Variants in PCDH15 observed in about 807,000 individuals in gnomAD.
The protein encoded by PCDH15 is protocadherin related 15.
In PCDH15, 129 loss-of-function variants were observed where a neutral mutation model predicts 178.5. The ratio of observed to expected loss-of-function variants is 0.72; its 90% CI spans 0.63 to 0.84. The LOEUF (loss-of-function observed/expected upper bound fraction) is 0.84. PCDH15 is among the 40% of genes least tolerant of loss of function. The pLI is 0.00. For missense variants in PCDH15, 2,230 were observed against 2,099.9 expected, an observed-to-expected ratio of 1.06 and a Z score of -1.21; for synonymous variants, 800 against 732.0, an observed-to-expected ratio of 1.09 and a Z score of -1.50.
chr10:55,081,200 C>A (rs1435993119), intron 2 of PCDH15, among the ~76,000 whole-genome samples: 1 of 152,164 alleles, frequency 6.6e-6, no homozygotes, highest in Non-Finnish European at 1.5e-5. Flanking sequence ...TTCTCTGCCT[C>A]AGATGTTTCC....
At chr10:54,635,437 TCTGTA>T (rs902440250) in intron 2 of PCDH15, among the ~76,000 whole-genome samples, 42 of 151,776 alleles carry the variant, frequency 2.8e-4, no homozygotes, top group African/African-American at 9.6e-4. Context: ...AATTTTACAA[TCTGTA>T]CTGTCACCAA....
At chr10:53,918,070 C>A (rs1161275713) in intron 25 of PCDH15, among the ~76,000 whole-genome samples, 1 of 152,196 alleles carries the variant, frequency 6.6e-6, no homozygotes, top group African/African-American at 2.4e-5. Context: ...AATATATTTT[C>A]TTTATAAATT....
chr10:54,771,551 T>G (rs1347978759), intron 1 of PCDH15, among the ~76,000 whole-genome samples: 2 of 152,112 alleles, frequency 1.3e-5, no homozygotes, highest in Non-Finnish European at 2.9e-5. Context: ...TATAAGTACA[T>G]TTTATCATTA....
chr10:55,611,722 T>A (rs1165790687), intron 2 of PCDH15, among the ~76,000 whole-genome samples: 1 of 152,106 alleles, frequency 6.6e-6, no homozygotes, highest in Non-Finnish European at 1.5e-5. Context: ...ATTGCAGCAT[T>A]ATTCACAATA....
chr10:55,237,766 A>G (rs552973520), intron 1 of PCDH15, among the ~76,000 whole-genome samples: 1 of 152,268 alleles, frequency 6.6e-6, no homozygotes, highest in Non-Finnish European at 1.5e-5. Flanking sequence ...AAAAAATAGA[A>G]AACCTTGGTA....
chr10:54,416,967 G>T (rs1589290146), intron 3 of PCDH15, among the ~76,000 whole-genome samples: 4 of 152,158 alleles, frequency 2.6e-5, no homozygotes, highest in South Asian at 2.1e-4. Context: ...TTTTGATGGG[G>T]TTGTTTTTTT....
chr10:55,283,421 A>T (rs1842784374), intron 1 of PCDH15, among the ~76,000 whole-genome samples: 1 of 150,974 alleles, frequency 6.6e-6, no homozygotes, highest in Admixed American at 6.6e-5. Flanking sequence ...AACAAAACTC[A>T]CCTCTCTGGT....
chr10:55,597,363 T>C (rs1489163318), intron 2 of PCDH15: 5 of 152,098 alleles, frequency 3.3e-5, no homozygotes, highest in Non-Finnish European at 7.4e-5. Context: ...CCTCCCTCCA[T>C]CTCTGACTTT....
chr10:54,170,684 C>T (rs1468616647), intron 13 of PCDH15, among the ~76,000 whole-genome samples: 1 of 151,882 alleles, frequency 6.6e-6, no homozygotes, highest in Admixed American at 6.6e-5. Context: ...GACATTCACC[C>T]CATTTCCCCA....
At chr10:54,460,670 T>G (rs1345166442) in intron 3 of PCDH15, among the ~76,000 whole-genome samples, 3 of 152,076 alleles carry the variant, frequency 2.0e-5, no homozygotes, top group African/African-American at 7.2e-5. Context: ...AGTGAGGGAA[T>G]GAAAGGCATC....
chr10:54,841,183 C>A (rs1953411486), intron 3 of PCDH15, among the ~76,000 whole-genome samples: 1 of 151,668 alleles, frequency 6.6e-6, no homozygotes, highest in African/African-American at 2.4e-5. Context: ...AAACAAGTCT[C>A]AACAAATTTT....
At chr10:54,807,032 A>G (rs1952790051) in intron 3 of PCDH15, among the ~76,000 whole-genome samples, 1 of 152,136 alleles carries the variant, frequency 6.6e-6, no homozygotes, top group African/African-American at 2.4e-5. Context: ...GCAAGTTATG[A>G]TTTCCTCCTG....
At chr10:55,343,432 C>A (rs1844657884) in intron 2 of PCDH15, among the ~76,000 whole-genome samples, 1 of 152,048 alleles carries the variant, frequency 6.6e-6, no homozygotes, top group African/African-American at 2.4e-5. Flanking sequence ...CTATTCTCTG[C>A]CCTCTACCAA....
At chr10:54,913,420 C>T (rs1954850731) in intron 2 of PCDH15, among the ~76,000 whole-genome samples, 1 of 152,196 alleles carries the variant, frequency 6.6e-6, no homozygotes, top group South Asian at 2.1e-4. Context: ...GTCTTGGGAG[C>T]CTCTGCCCAA....
chr10:54,328,033 T>A (rs1245574112), intron 7 of PCDH15, among the ~76,000 whole-genome samples: 2 of 152,034 alleles, frequency 1.3e-5, no homozygotes, highest in Admixed American at 1.3e-4. Context: ...TTGTACATTC[T>A]ATGGGAATGG....
intron 3 of PCDH15, among the ~76,000 whole-genome samples, chr10:54,398,130 T>C (rs562112522): frequency 6.6e-6 from 1 of 151,950 alleles, no homozygotes; most frequent in South Asian, 2.1e-4. Flanking sequence ...CTTATTTCCA[T>C]GTAACTTGCT....
intron 2 of PCDH15, among the ~76,000 whole-genome samples, chr10:55,109,614 T>C (rs554083854): frequency 4.1e-4 from 63 of 152,158 alleles, no homozygotes; most frequent in Non-Finnish European, 7.2e-4. Context: ...AGTGAGGGGT[T>C]ATAAGGTCGG....
chr10:55,155,078 T>C (rs1442379488), intron 2 of PCDH15, among the ~76,000 whole-genome samples: 1 of 113,162 alleles, frequency 8.8e-6, no homozygotes, highest in African/African-American at 2.6e-5. Context: ...AACCTATAGA[T>C]GTAGTTAGGT....
At chr10:54,921,299 C>A (rs767216773) in intron 2 of PCDH15, among the ~76,000 whole-genome samples, 3 of 151,288 alleles carry the variant, frequency 2.0e-5, no homozygotes, top group Non-Finnish European at 4.4e-5. Context: ...CCCTCACGAA[C>A]TTTTATTATT....
Sources: gnomAD v4.1 joint callset for allele counts (sites outside exome capture counted in the v4.1 genomes callset) on GRCh38, gnomAD v4.1.1 for gene constraint, MANE v1.5 for transcripts, NCBI Gene and HGNC (gene_info 2026-07-23, HGNC 2026-07-21) for gene names.